ZNF407: variants seen among roughly 807,000 people sequenced by gnomAD.
ZNF407 encodes the protein zinc finger protein 407.
Under a neutral mutation model 131.2 loss-of-function variants are expected in ZNF407, and 17 were observed. The ratio of observed to expected loss-of-function variants is 0.13; its 90% confidence interval spans 0.09 to 0.19. ZNF407 has a LOEUF of 0.19. ZNF407 is among the 10% of genes least tolerant of loss of function. The pLI, the probability that ZNF407 is intolerant of heterozygous loss-of-function variation, is 1.00. For missense variants in ZNF407, 2,681 were observed against 2,830.6 expected (o/e 0.95, Z 1.20); for synonymous variants, 1,156 against 1,062.0 (o/e 1.09, Z -1.72).
Position 74,633,858 on chromosome 18 carries a change from A to G in ZNF407, c.2839A>G (p.Asn947Asp). 4 of 1,613,994 alleles carry G rather than the reference A, an allele frequency of 2.5e-6. No homozygotes were observed. The highest frequency in any genetic ancestry group is 2.2e-5 in the East Asian group (1 of 44,890). Residue 947 changes from asparagine (N) to aspartate (D), a missense_variant, in exon 2 of 9, where the codon AAC becomes GAC. Asn to Asp is a conservative substitution (Grantham distance 23). Coordinates refer to ENST00000299687, the MANE Select transcript of ZNF407 (RefSeq NM_017757.3). ...AGTGACCATGTCAGATGAACATGCT[A>G]ACAAACCAGCTGAGTCACCCACCTC... ...SAVTMSDEHANKPAESPTSVL... is the reference protein window; with the variant it reads ...SAVTMSDEHADKPAESPTSVL...
At chr18:74,659,162 T>C (rs1418539578) in intron 3 of ZNF407, among the ~76,000 whole-genome samples, 1 of 152,182 alleles carries the variant, frequency 6.6e-6, no homozygotes, top group African/African-American at 2.4e-5. Flanking sequence ...TACGTAAATA[T>C]ATCATTGTGG....
intron 4 of ZNF407, among the ~76,000 whole-genome samples, chr18:74,860,936 A>G (rs1485989760): frequency 1.3e-5 from 2 of 152,102 alleles, no homozygotes; most frequent in Non-Finnish European, 2.9e-5. Context: ...ATTTAGCTTT[A>G]TTTCTGAATG....
At position 74,799,803 on chromosome 18, in the gene ZNF407, T is replaced by C. The variant is rs141380807; in HGVS notation, c.4877+18301T>C. On this transcript the variant is annotated intron_variant, in intron 4 of 8. Transcript: ENST00000299687. ...CTGTATCCTACAAGTAGCAATAGGA[T>C]GAATATTCAATCAAAGTTTACATAT... 5.9e-5 allele frequency among the ~76,000 whole-genome samples: 9 copies of C among 152,054 alleles called. No individual in the cohort carries two copies. The East Asian group carries it at 1.7e-3, about 29-fold the overall frequency.
At chr18:74,642,028 T>TC (rs1292158534) in intron 3 of ZNF407, among the ~76,000 whole-genome samples, 2 of 151,966 alleles carry the variant, frequency 1.3e-5, no homozygotes, top group Middle Eastern at 3.4e-3. Context: ...TTAGGTTTTT[T>TC]TTTTAGTAGA....
chr18:74,842,511 T>C lies in ZNF407; in HGVS notation c.4878-34686T>C, dbSNP rs184467301. Among the ~76,000 whole-genome samples the C allele has an allele frequency of 2.2e-4, 33 of 152,316 alleles. 1 individual carries two copies. Among genetic ancestry groups the C allele is most frequent in the Admixed American group, 1.2e-3 (18 of 15,306 alleles). On this transcript the variant is annotated intron_variant, in intron 4 of 8. Transcript: ENST00000299687. ...TATTGATGCTTTCAGCTGCGTTTCC[T>C]TCTATCCTCGTATTGTTCCTTGTTA...
intron 3 of ZNF407, among the ~76,000 whole-genome samples, chr18:74,669,208 A>G (rs1477308442): frequency 1.3e-5 from 2 of 152,144 alleles, no homozygotes; most frequent in Non-Finnish European, 2.9e-5. Context: ...TTGTGCCCAC[A>G]GGTTTCTCAT....
intron 3 of ZNF407, among the ~76,000 whole-genome samples, chr18:74,643,394 T>TA (rs1984814057): frequency 6.6e-6 from 1 of 152,094 alleles, no homozygotes; most frequent in South Asian, 2.1e-4. Context: ...ATTAACTCTA[T>TA]AATTTTGTCA....
At chr18:74,615,858 CTGT>C (rs748206562) in intron 1 of ZNF407, among the ~76,000 whole-genome samples, 54 of 151,894 alleles carry the variant, frequency 3.6e-4, no homozygotes, top group East Asian at 1.4e-3. Flanking sequence ...GGGGAAAGAA[CTGT>C]TGTTGTTGTT....
chr18:74,631,192 A>G lies in ZNF407; in HGVS notation c.173A>G (p.Asn58Ser). ...AAAAGAGGTTTTTCAGAATCATCGAACTCTGATAGTGTTGTTATAGGAGAA... is the reference window on the plus strand; with the variant it reads ...AAAAGAGGTTTTTCAGAATCATCGAGCTCTGATAGTGTTGTTATAGGAGAA... ...MGKRGFSESSNSDSVVIGEDR... is the reference protein window; with the variant it reads ...MGKRGFSESSSSDSVVIGEDR... The change falls in exon 2 of 9, where the codon AAC becomes AGC. Residue 58 changes from asparagine (N) to serine (S), a missense_variant. By Grantham distance (46) the Asn-to-Ser change is conservative. Around this residue, in one of 6 missense-constraint regions of ZNF407, gnomAD observed 1,789 missense variants for 1,748.7 expected, o/e 1.02. Transcript: ENST00000299687. The G allele has an allele frequency of 1.9e-6, 3 of 1,614,006 alleles. No individual in the cohort carries two copies. Among genetic ancestry groups the G allele is most frequent in the Non-Finnish European group, 2.5e-6 (3 of 1,179,886 alleles).
At chr18:74,603,198 C>T (rs1025082273) in intron 1 of ZNF407, among the ~76,000 whole-genome samples, 1 of 152,216 alleles carries the variant, frequency 6.6e-6, no homozygotes, top group Non-Finnish European at 1.5e-5. Context: ...GTAGCACTCA[C>T]TGTGCTGCAC....
chr18:74,671,064 CA>C (rs1986122024), intron 3 of ZNF407, among the ~76,000 whole-genome samples: 1 of 152,182 alleles, frequency 6.6e-6, no homozygotes, highest in Non-Finnish European at 1.5e-5. Flanking sequence ...TTATCTTGAA[CA>C]ACTGAAACTC....
intron 3 of ZNF407, among the ~76,000 whole-genome samples, chr18:74,740,110 G>A (rs903600470): frequency 9.9e-5 from 15 of 152,196 alleles, no homozygotes; most frequent in African/African-American, 3.4e-4. Flanking sequence ...ATGTGCCTCG[G>A]CTGAAATCCA....
At chr18:74,870,885 G>T (rs1971077041) in intron 4 of ZNF407, among the ~76,000 whole-genome samples, 1 of 152,174 alleles carries the variant, frequency 6.6e-6, no homozygotes. Context: ...ATGGTGAACA[G>T]GTTACTATGG....
rs192880299 is a variant in ZNF407, at chr18:74,771,053, A to C, written c.4803-10375A>C. Among the ~76,000 whole-genome samples the C allele has an allele frequency of 2.4e-3, 358 of 152,256 alleles. 3 individuals are homozygous for C. Among genetic ancestry groups the C allele is most frequent in the African/African-American group, 8.2e-3 (342 of 41,552 alleles). The stretch of plus-strand genomic sequence containing the variant: ...ATATTTTAAATTTTAGAATGTTGGT[A>C]ATTTGTATTTGAAACAAGTTGCTTG... On this transcript the variant is annotated intron_variant, in intron 3 of 8. Coordinates refer to ENST00000299687, the MANE Select transcript of ZNF407 (RefSeq NM_017757.3).
chr18:74,774,588 T>C (rs1303539242), intron 3 of ZNF407, among the ~76,000 whole-genome samples: 1 of 152,192 alleles, frequency 6.6e-6, no homozygotes, highest in Non-Finnish European at 1.5e-5. Context: ...TTAAACTGAA[T>C]CAAATCATGA....
chr18:74,984,392 AT>A (rs1972628519), intron 8 of ZNF407, among the ~76,000 whole-genome samples: 1 of 152,228 alleles, frequency 6.6e-6, no homozygotes, highest in Non-Finnish European at 1.5e-5. Flanking sequence ...ATTTAATAAG[AT>A]CAGCAAGTTA....
intron 3 of ZNF407, among the ~76,000 whole-genome samples, chr18:74,677,462 T>C (rs893486405): frequency 3.0e-4 from 46 of 152,342 alleles, no homozygotes; most frequent in African/African-American, 9.4e-4. Context: ...TATTCTTTTA[T>C]ATTTTGATTT....
chr18:74,812,242 G>C (rs1970207472), intron 4 of ZNF407, among the ~76,000 whole-genome samples: 1 of 152,060 alleles, frequency 6.6e-6, no homozygotes, highest in Non-Finnish European at 1.5e-5. Context: ...GAATTTTTGT[G>C]TGTGAAAGGA....
At chr18:75,002,880 C>A (rs1972864710) in intron 8 of ZNF407, among the ~76,000 whole-genome samples, 1 of 151,250 alleles carries the variant, frequency 6.6e-6, no homozygotes, top group Non-Finnish European at 1.5e-5. Context: ...AATGGAATAA[C>A]AAACGAAAGT....
Sources: gnomAD v4.1 joint callset for allele counts (sites outside exome capture counted in the v4.1 genomes callset) on GRCh38, gnomAD v4.1.1 for gene constraint, gnomAD v4.1.1 regional missense constraint, MANE v1.5 for transcripts, NCBI Gene and HGNC (gene_info 2026-07-23, HGNC 2026-07-21) for gene names.